Variants in ZCCHC7 observed in about 807,000 individuals in gnomAD.
ZCCHC7 encodes zinc finger CCHC-type containing 7.
A neutral mutation model predicts 52.0 loss-of-function variants in ZCCHC7; 35 were observed. The observed-to-expected ratio is 0.67, with a 90% confidence interval of 0.51 to 0.89. The LOEUF (loss-of-function observed/expected upper bound fraction) is 0.89. Ranked by LOEUF, ZCCHC7 falls within the 40% of genes least tolerant of loss-of-function variation. The pLI, the probability that ZCCHC7 is intolerant of heterozygous loss-of-function variation, is 0.00. For missense variants in ZCCHC7, 574 were observed against 649.1 expected (o/e 0.88, Z 1.26); for synonymous variants, 217 against 221.5 (o/e 0.98, Z 0.18).
In ZCCHC7 at chr9:37,253,303, A is replaced by T. The variant is rs187784758; in HGVS notation, c.611-48885A>T. Among the ~76,000 whole-genome samples, 486 of 152,142 alleles carry T rather than the reference A, an allele frequency of 3.2e-3. 2 individuals are homozygous for T. Among genetic ancestry groups the T allele is most frequent in the Non-Finnish European group, 4.4e-3 (301 of 67,906 alleles). On this transcript the variant is annotated intron_variant, in intron 2 of 8. Transcript: ENST00000336755. ...ATGATCATCTAAAAGACTTAGGGAAAAAAATACATCTGTATCACTTATGGT... is the reference window on the plus strand; with the variant it reads ...ATGATCATCTAAAAGACTTAGGGAATAAAATACATCTGTATCACTTATGGT...
chr9:37,331,442 G>A (rs1395661851), intron 6 of ZCCHC7, among the ~76,000 whole-genome samples: 2 of 151,540 alleles, frequency 1.3e-5, no homozygotes, highest in Admixed American at 1.3e-4. Context: ...GAGTGAGAAT[G>A]TTATTCTCTA....
intron 5 of ZCCHC7, among the ~76,000 whole-genome samples, chr9:37,320,954 AT>A (rs750170395): frequency 3.2e-4 from 47 of 146,380 alleles, no homozygotes; most frequent in Non-Finnish European, 4.9e-4. Context: ...GTTATTTATG[AT>A]GGAGTTTATA....
intron 2 of ZCCHC7, among the ~76,000 whole-genome samples, chr9:37,282,762 A>G (rs1251859445): frequency 2.0e-5 from 3 of 151,006 alleles, no homozygotes; most frequent in South Asian, 4.2e-4. Flanking sequence ...CCCCAGCTAC[A>G]TGGAAGCATC....
Position 37,170,156 on chromosome 9 carries a change from A to C in ZCCHC7, c.610+43214A>C, listed in dbSNP as rs572848195. On this transcript the variant is annotated intron_variant, in intron 2 of 8. Transcript: ENST00000336755. ...TTCTTTTCAGTGTCCTTACTTTTAAAATAGTTGAACTGATTTTTCTGGGAA... is the reference window on the plus strand; with the variant it reads ...TTCTTTTCAGTGTCCTTACTTTTAACATAGTTGAACTGATTTTTCTGGGAA... Among the ~76,000 whole-genome samples the C allele has an allele frequency of 2.2e-4, 34 of 152,298 alleles. No individual in the cohort carries two copies. The South Asian group carries it at 5.0e-3, about 22-fold the overall frequency.
At chr9:37,256,504 A>G (rs953471384) in intron 2 of ZCCHC7, among the ~76,000 whole-genome samples, 2 of 152,184 alleles carry the variant, frequency 1.3e-5, no homozygotes, top group Admixed American at 1.3e-4. Context: ...ATAATATTCT[A>G]TATGTTATTT....
intron 7 of ZCCHC7, among the ~76,000 whole-genome samples, chr9:37,352,675 C>A (rs949458366): frequency 6.8e-6 from 1 of 147,768 alleles, no homozygotes; most frequent in South Asian, 2.1e-4. Context: ...TGCCACCACA[C>A]CTGGCTATTT....
intron 2 of ZCCHC7, among the ~76,000 whole-genome samples, chr9:37,166,437 A>C (rs571334258): frequency 9.9e-5 from 15 of 151,582 alleles, no homozygotes; most frequent in Non-Finnish European, 2.2e-4. Flanking sequence ...TAGTGATACC[A>C]CTTTTCTCAT....
At chr9:37,165,003 G>C (rs577211816) in intron 2 of ZCCHC7, among the ~76,000 whole-genome samples, 3 of 152,220 alleles carry the variant, frequency 2.0e-5, no homozygotes, top group African/African-American at 7.2e-5. Flanking sequence ...TCGTGAACAC[G>C]GTATATCTGT....
At chr9:37,316,943 T>A (rs79219712) in intron 5 of ZCCHC7, among the ~76,000 whole-genome samples, 5,688 of 144,394 alleles carry the variant, frequency 0.039, 364 homozygotes, top group African/African-American at 0.14. Context: ...TCAAAAAAAA[T>A]AATAATAATC....
intron 2 of ZCCHC7, among the ~76,000 whole-genome samples, chr9:37,133,611 C>T (rs548147634): frequency 6.6e-5 from 10 of 151,922 alleles, no homozygotes; most frequent in South Asian, 6.2e-4. Context: ...TTTTCTGAGA[C>T]GGAGTCTCGC....
chr9:37,226,654 C>T (rs945034376), intron 2 of ZCCHC7, among the ~76,000 whole-genome samples: 1 of 152,140 alleles, frequency 6.6e-6, no homozygotes, highest in East Asian at 1.9e-4. Flanking sequence ...TGAACCATAT[C>T]TCTTCCATCA....
At chr9:37,136,319 T>G (rs1020666237) in intron 2 of ZCCHC7, among the ~76,000 whole-genome samples, 1 of 152,188 alleles carries the variant, frequency 6.6e-6, no homozygotes, top group African/African-American at 2.4e-5. Flanking sequence ...CACAGGAAAA[T>G]ATTTTGATAA....
At chr9:37,261,796 C>T (rs1397499536) in intron 2 of ZCCHC7, among the ~76,000 whole-genome samples, 3 of 151,972 alleles carry the variant, frequency 2.0e-5, no homozygotes, top group Admixed American at 6.6e-5. Flanking sequence ...CAGTTTTTTT[C>T]TCCTAATTTT....
intron 2 of ZCCHC7, among the ~76,000 whole-genome samples, chr9:37,215,493 TATA>T (rs1824457185): frequency 6.6e-6 from 1 of 152,216 alleles, no homozygotes; most frequent in Admixed American, 6.5e-5. Flanking sequence ...GGAGCGTGGT[TATA>T]AAATGAATCT....
At chr9:37,156,112 T>G (rs973785646) in intron 2 of ZCCHC7, among the ~76,000 whole-genome samples, 1 of 152,238 alleles carries the variant, frequency 6.6e-6, no homozygotes, top group African/African-American at 2.4e-5. Context: ...AGCTAAACAT[T>G]GGGATCAGAT....
At chr9:37,259,786 C>T (rs979220483) in intron 2 of ZCCHC7, among the ~76,000 whole-genome samples, 2 of 152,150 alleles carry the variant, frequency 1.3e-5, no homozygotes, top group African/African-American at 4.8e-5. Context: ...CAAATGACTT[C>T]ATGACTTGTA....
At chr9:37,155,109 C>T (rs1234800175) in intron 2 of ZCCHC7, among the ~76,000 whole-genome samples, 23 of 152,056 alleles carry the variant, frequency 1.5e-4, no homozygotes. Flanking sequence ...ACCTGTAATC[C>T]CAGCACTTTG....
At chr9:37,338,228 T>G (rs560894055) in intron 6 of ZCCHC7, among the ~76,000 whole-genome samples, 1 of 152,288 alleles carries the variant, frequency 6.6e-6, no homozygotes, top group African/African-American at 2.4e-5. Flanking sequence ...TTAATAAGCT[T>G]AATAGCTCAT....
intron 5 of ZCCHC7, among the ~76,000 whole-genome samples, chr9:37,318,690 ATCAC>A (rs1829927502): frequency 6.6e-6 from 1 of 152,022 alleles, no homozygotes; most frequent in Non-Finnish European, 1.5e-5. Context: ...AGGCGGGCAG[ATCAC>A]TTAAGGTCAG....
Sources: allele counts gnomAD v4.1 joint callset (sites outside exome capture counted in the v4.1 genomes callset), GRCh38; gene constraint gnomAD v4.1.1; transcripts MANE v1.5; gene names NCBI Gene and HGNC (gene_info 2026-07-23, HGNC 2026-07-21).